Variants in TBC1D22B observed in about 807,000 individuals in gnomAD.
The protein encoded by TBC1D22B is chromosome 6 open reading frame 197.
In TBC1D22B, 32 loss-of-function variants were observed where a neutral mutation model predicts 69.1. That is an observed-to-expected ratio of 0.46 (90% CI 0.35 to 0.62). The LOEUF (loss-of-function observed/expected upper bound fraction) is 0.62. Among genes scored for constraint, TBC1D22B ranks in the 20% least tolerant of loss-of-function variants. The probability of loss-of-function intolerance (pLI) is 0.00; values close to 1 mark genes in which losing one functional copy is unlikely to be tolerated. For synonymous variants in TBC1D22B, 206 were observed against 229.8 expected, an observed-to-expected ratio of 0.90 and a Z score of 0.94; for missense variants, 462 against 630.9, an observed-to-expected ratio of 0.73 and a Z score of 2.87.
intron 12 of TBC1D22B, among the ~76,000 whole-genome samples, chr6:37,324,059 C>G (rs1196090550): frequency 1.3e-5 from 2 of 152,230 alleles, no homozygotes; most frequent in African/African-American, 4.8e-5. Context: ...TTTACTACCT[C>G]ACTGATTCTC....
intron 2 of TBC1D22B, among the ~76,000 whole-genome samples, chr6:37,276,021 G>A (rs1398442779): frequency 6.7e-6 from 1 of 149,292 alleles, no homozygotes; most frequent in African/African-American, 2.5e-5. Context: ...CTGGAGTGCA[G>A]TGGCACAATT....
At chr6:37,264,292 C>A (rs992109433) in intron 1 of TBC1D22B, among the ~76,000 whole-genome samples, 16 of 151,610 alleles carry the variant, frequency 1.1e-4, no homozygotes, top group Admixed American at 9.2e-4. Context: ...GAGGGGTATG[C>A]CAGGGTGTTT....
chr6:37,284,541 A>G (rs997886876), intron 6 of TBC1D22B, 77 bp downstream of exon 6: 9 of 1,445,782 alleles, frequency 6.2e-6, no homozygotes, highest in African/African-American at 1.4e-5. Flanking sequence ...CTCTCAGGGT[A>G]CAGGCTTTCC....
At chr6:37,277,000 C>T (rs999540874) in intron 2 of TBC1D22B, among the ~76,000 whole-genome samples, 5 of 152,092 alleles carry the variant, frequency 3.3e-5, no homozygotes, top group South Asian at 2.1e-4. Flanking sequence ...AGCTGGTTAA[C>T]GGCCTTCATT....
intron 7 of TBC1D22B, among the ~76,000 whole-genome samples, chr6:37,289,638 A>C (rs953295481): frequency 4.6e-5 from 7 of 152,210 alleles, no homozygotes; most frequent in African/African-American, 1.7e-4. Flanking sequence ...AAGCCCTTCT[A>C]AGTCCTTTGG....
At position 37,316,712 on chromosome 6, in the gene TBC1D22B, A is replaced by G; in HGVS notation, c.1175A>G (p.His392Arg). The G allele has an allele frequency of 1.2e-6, 2 of 1,614,224 alleles. No individual in the cohort carries two copies. Among genetic ancestry groups the G allele is most frequent in the South Asian group, 1.1e-5 (1 of 91,082 alleles). ...ATGCTTCCTGTTTCAGAGCAGGTACATAATCACTTCAGGAGGTACGAGGTA... is the reference window on the plus strand; with the variant it reads ...ATGCTTCCTGTTTCAGAGCAGGTACGTAATCACTTCAGGAGGTACGAGGTA... ...ELVSRIDEQV[H>R]NHFRRYEVEY... is the part of the protein sequence containing the mutation. The change falls in exon 11 of 13, where the codon CAT becomes CGT. Residue 392 changes from histidine (H) to arginine (R), a missense_variant. Coordinates refer to ENST00000373491, the MANE Select transcript of TBC1D22B (RefSeq NM_017772.4).
intron 2 of TBC1D22B, 26 bp downstream of exon 2, chr6:37,269,676 C>G (rs373968232): frequency 1.2e-6 from 2 of 1,610,340 alleles, no homozygotes; most frequent in African/African-American, 1.3e-5. Flanking sequence ...TTCGTTTTAT[C>G]TATCTACTGC....
In TBC1D22B at chr6:37,282,959, T is replaced by C; in HGVS notation, c.672+7T>C. 6.2e-7 allele frequency: 1 copy of C among 1,613,444 alleles called. No individual in the cohort carries two copies. The highest frequency in any genetic ancestry group is 1.1e-5 in the South Asian group (1 of 91,034). On this transcript the variant is annotated splice_region_variant and intron_variant, in intron 5 of 12. Coordinates refer to ENST00000373491, the MANE Select transcript of TBC1D22B (RefSeq NM_017772.4). ...AACCTGGAGACTCCTGTCGGTGAGTTCTACCCACTGTGTAGAGAAATGTGA... is the reference window on the plus strand; with the variant it reads ...AACCTGGAGACTCCTGTCGGTGAGTCCTACCCACTGTGTAGAGAAATGTGA...
At chr6:37,330,473 G>A (rs561048588) in intron 12 of TBC1D22B, among the ~76,000 whole-genome samples, 2 of 151,858 alleles carry the variant, frequency 1.3e-5, no homozygotes, top group Non-Finnish European at 2.9e-5. Flanking sequence ...TCCTGACCTC[G>A]CGATCCATCC....
chr6:37,279,551 G>T lies in TBC1D22B; in HGVS notation c.361G>T (p.Val121Phe). The part of the protein sequence containing the change: ...PERSQSTTSD[V>F]PANYKVIKSS... The stretch of plus-strand genomic sequence containing the variant: ...ACGGTCCCAGTCAACGACATCGGAC[G>T]TCCCTGCCAACTACAAGGTCATAAA... The change falls in exon 3 of 13, where the codon GTC becomes TTC. Residue 121 changes from valine (V) to phenylalanine (F), a missense_variant. By Grantham distance (50) the Val-to-Phe change is conservative. Transcript: ENST00000373491. 6.2e-7 allele frequency: 1 copy of T among 1,614,216 alleles called. No homozygotes were observed. The highest frequency in any genetic ancestry group is 8.5e-7 in the Non-Finnish European group (1 of 1,180,032).
At chr6:37,324,850 G>A (rs535321237) in intron 12 of TBC1D22B, among the ~76,000 whole-genome samples, 37 of 152,328 alleles carry the variant, frequency 2.4e-4, no homozygotes, top group African/African-American at 8.9e-4. Context: ...CCCTAGGCAA[G>A]TTCCTTAACC....
intron 8 of TBC1D22B, among the ~76,000 whole-genome samples, chr6:37,307,273 G>A (rs11966913): frequency 0.032 from 4,835 of 151,570 alleles, 242 homozygotes; most frequent in African/African-American, 0.11. Flanking sequence ...GTTTTAAGAG[G>A]TTCTTTAGAT....
At chr6:37,305,131 C>T (rs1767670984) in intron 8 of TBC1D22B, among the ~76,000 whole-genome samples, 1 of 152,180 alleles carries the variant, frequency 6.6e-6, no homozygotes, top group Non-Finnish European at 1.5e-5. Flanking sequence ...ATTGTGCTCG[C>T]CCCCCACGCT....
chr6:37,314,934 CAT>C (rs1449514878), intron 10 of TBC1D22B, among the ~76,000 whole-genome samples: 1 of 151,374 alleles, frequency 6.6e-6, no homozygotes, highest in Non-Finnish European at 1.5e-5. Context: ...CCGTATGTCA[CAT>C]GTGGAATTTT....
Position 37,282,285 on chromosome 6 carries a change from G to A in TBC1D22B, c.522G>A (p.Gly174=). 6.2e-7 allele frequency: 1 copy of A among 1,614,088 alleles called. No individual in the cohort carries two copies. Among genetic ancestry groups the A allele is most frequent in the Non-Finnish European group, 8.5e-7 (1 of 1,180,032 alleles). Residue 174 remains glycine (G), a synonymous_variant, in exon 4 of 13, where the codon GGG becomes GGA. Coordinates refer to ENST00000373491, the MANE Select transcript of TBC1D22B (RefSeq NM_017772.4). The stretch of plus-strand genomic sequence containing the variant: ...GGATCTCGGATCAGAACGCTTCTGG[G>A]GCCCCCCCAATGACTGTCCGGGAGA... The part of the protein sequence containing the change: ...VARISDQNAS[G]APPMTVREKT...
chr6:37,317,070 G>A, intron 11 of TBC1D22B, 41 bp from the exon 12 acceptor site: 1 of 1,543,626 alleles, frequency 6.5e-7, no homozygotes, highest in Non-Finnish European at 8.8e-7. Context: ...CTGAATCTTT[G>A]TCAGGGCTGG....
intron 3 of TBC1D22B, among the ~76,000 whole-genome samples, chr6:37,281,142 TG>T (rs1766813302): frequency 6.6e-6 from 1 of 152,262 alleles, no homozygotes; most frequent in Non-Finnish European, 1.5e-5. Context: ...AACTGAGTTT[TG>T]CTTGTGGTAA....
Position 37,331,192 on chromosome 6 carries a change from C to T in TBC1D22B, c.*20C>T. 1 of 1,613,178 alleles carries T rather than the reference C, an allele frequency of 6.2e-7. No homozygotes were observed. The highest frequency in any genetic ancestry group is 8.5e-7 in the Non-Finnish European group (1 of 1,179,390). ...CGATAGGTGCTGTCTCCTCCGGGGA[C>T]CCAGACTGCCTTCATCTCTGATGGC... On this transcript the variant is annotated 3_prime_UTR_variant, in exon 13 of 13. Transcript: ENST00000373491.
rs1014233978 is a variant in TBC1D22B, at chr6:37,258,027, C to T, written c.56+54C>T. ...GGATTGGACCAAACCCTTCCAGATC[C>T]TAATCCCTGAATCCCGCGGGCCTGG... is the stretch of plus-strand genomic sequence containing the variant. On this transcript the variant is annotated intron_variant, in intron 1 of 12. Transcript: ENST00000373491. 6 of 1,588,892 alleles carry T rather than the reference C, an allele frequency of 3.8e-6. No homozygotes were observed. The African/African-American group carries it at 8.1e-5, about 21-fold the overall frequency.
Sources: gnomAD v4.1 joint callset for allele counts (sites outside exome capture counted in the v4.1 genomes callset) on GRCh38, gnomAD v4.1.1 for gene constraint, MANE v1.5 for transcripts, NCBI Gene and HGNC (gene_info 2026-07-23, HGNC 2026-07-21) for gene names.